The following RPS6KA2 variants were observed in gnomAD, a reference collection of about 807,000 sequenced individuals.
The protein encoded by RPS6KA2 is ribosomal protein S6 kinase A2.
RPS6KA2 carries 42 observed loss-of-function variants against 91.8 expected under a neutral mutation model. The observed-to-expected ratio is 0.46, with a 90% CI of 0.36 to 0.59. The LOEUF is 0.59. RPS6KA2 is among the 20% of genes least tolerant of loss of function. The probability of loss-of-function intolerance (pLI) is 0.00; values close to 1 mark genes in which losing one functional copy is unlikely to be tolerated. For synonymous variants in RPS6KA2, 414 were observed against 393.6 expected, an observed-to-expected ratio of 1.05 and a Z score of -0.61; for missense variants, 798 against 978.5, an observed-to-expected ratio of 0.82 and a Z score of 2.46.
intron 2 of RPS6KA2, among the ~76,000 whole-genome samples, chr6:166,646,953 C>T (rs1787625021): frequency 6.6e-6 from 1 of 152,172 alleles, no homozygotes; most frequent in Non-Finnish European, 1.5e-5. Flanking sequence ...CTCGCATTCC[C>T]ACTCTGTCCT....
In RPS6KA2 at chr6:166,839,105, AGT is replaced by A. The variant is rs144904245; in HGVS notation, c.123+19093_123+19094del. On this transcript the variant is annotated intron_variant, in intron 2 of 21. Transcript: ENST00000503859. Reference sequence around the variant, plus strand: ...TGCCCTCCAGAACCGTTAGACAACCAGTGTGTGTTGTTTTACACCACAACGTT... The same window carrying A: ...TGCCCTCCAGAACCGTTAGACAACCAGTGTGTTGTTTTACACCACAACGTT... Among the ~76,000 whole-genome samples, 607 of 152,308 alleles carry A rather than the reference AGT, an allele frequency of 4.0e-3. 7 individuals carry two copies. The highest frequency in any genetic ancestry group is 0.014 in the African/African-American group (563 of 41,574).
At chr6:166,695,026 A>G (rs1481081447) in intron 2 of RPS6KA2, among the ~76,000 whole-genome samples, 3 of 152,244 alleles carry the variant, frequency 2.0e-5, no homozygotes, top group Admixed American at 6.5e-5. Flanking sequence ...GGTGAGGAAG[A>G]GAGATGCTAT....
At chr6:166,778,771 A>C (rs1050396410) in intron 2 of RPS6KA2, among the ~76,000 whole-genome samples, 1 of 152,204 alleles carries the variant, frequency 6.6e-6, no homozygotes, top group Non-Finnish European at 1.5e-5. Context: ...TATCAAAAAA[A>C]CAACAAGATT....
chr6:166,705,811 G>C (rs1789665612), intron 2 of RPS6KA2, among the ~76,000 whole-genome samples: 1 of 152,142 alleles, frequency 6.6e-6, no homozygotes, highest in African/African-American at 2.4e-5. Context: ...CTCACCTATT[G>C]ATACAGACTG....
rs575067691 is a variant in RPS6KA2, at chr6:166,597,795, G to A, written c.99+29126C>T. Among the ~76,000 whole-genome samples the A allele has an allele frequency of 4.6e-5, 7 of 152,226 alleles. No homozygotes were observed. The East Asian group carries it at 1.2e-3, about 25-fold the overall frequency. ...CAATGGGTGACGGCATCATCGAGAA[G>A]AGAATAGAAACAGATTTCCGGAGTC... On this transcript the variant is annotated intron_variant, in intron 1 of 20. Coordinates refer to ENST00000265678, the MANE Select transcript of RPS6KA2 (RefSeq NM_021135.6).
intron 2 of RPS6KA2, among the ~76,000 whole-genome samples, chr6:166,723,483 G>A (rs1790242392): frequency 6.6e-6 from 1 of 152,190 alleles, no homozygotes; most frequent in African/African-American, 2.4e-5. Flanking sequence ...TCCTCAGCTG[G>A]TGCCAGGGGA....
chr6:166,745,699 G>A (rs1790985120), intron 2 of RPS6KA2, among the ~76,000 whole-genome samples: 2 of 152,178 alleles, frequency 1.3e-5, no homozygotes, highest in South Asian at 2.1e-4. Context: ...ACAGTGCCTG[G>A]GCGCTGCGGC....
chr6:166,431,412 T>C (rs73269270), intron 15 of RPS6KA2, among the ~76,000 whole-genome samples: 20,668 of 152,182 alleles, frequency 0.14, 4,439 homozygotes, highest in African/African-American at 0.46. Context: ...TTCTAACCAG[T>C]TTCCCATGAT....
chr6:166,525,159 A>ACC (rs1782982530), intron 3 of RPS6KA2, among the ~76,000 whole-genome samples: 2 of 152,322 alleles, frequency 1.3e-5, no homozygotes, highest in Admixed American at 1.3e-4. Context: ...ACGGTTGGGA[A>ACC]CACGTTTCTT....
At chr6:166,617,837 C>T (rs982270487) in intron 1 of RPS6KA2, among the ~76,000 whole-genome samples, 2 of 152,236 alleles carry the variant, frequency 1.3e-5, no homozygotes, top group African/African-American at 2.4e-5. Context: ...CTGTGGCTGC[C>T]GAGCAAACGC....
chr6:166,783,332 G>A (rs1384379824), intron 2 of RPS6KA2, among the ~76,000 whole-genome samples: 1 of 151,866 alleles, frequency 6.6e-6, no homozygotes, highest in Non-Finnish European at 1.5e-5. Flanking sequence ...GGCCTTAAGG[G>A]AAAAGACTGA....
chr6:166,855,206 T>C (rs996497356), intron 2 of RPS6KA2, among the ~76,000 whole-genome samples: 1 of 152,136 alleles, frequency 6.6e-6, no homozygotes, highest in African/African-American at 2.4e-5. Flanking sequence ...GGGGCGAGGA[T>C]GAAAAATCAC....
At chr6:166,451,011 C>A in intron 13 of RPS6KA2, 92 bp downstream of exon 13, 1 of 1,505,018 alleles carries the variant, frequency 6.6e-7, no homozygotes, top group South Asian at 1.2e-5. Flanking sequence ...AAGCACCCAA[C>A]CCCCGGGTGA....
In RPS6KA2 at chr6:166,510,307, T is replaced by A. The variant is rs1251413024; in HGVS notation, c.349A>T (p.Asn117Tyr). 6.2e-7 allele frequency: 1 copy of A among 1,604,316 alleles called. No individual in the cohort carries two copies. Among genetic ancestry groups the A allele is most frequent in the South Asian group, 1.1e-5 (1 of 89,888 alleles). Residue 117 changes from asparagine (N) to tyrosine (Y), a missense_variant, in exon 4 of 21, where the codon AAT becomes TAT. Coordinates refer to ENST00000265678, the MANE Select transcript of RPS6KA2 (RefSeq NM_021135.6). ...TGAAGCTTCACAATGAAGGGGTGAT[T>A]CACTTCTGCCAAGATGTCTCTCTCC... ...KMERDILAEV[N>Y]HPFIVKLHYA...
At position 166,616,533 on chromosome 6, in the gene RPS6KA2, C is replaced by T. The variant is rs773874881; in HGVS notation, c.99+10388G>A. On this transcript the variant is annotated intron_variant, in intron 1 of 20. Coordinates refer to ENST00000265678, the MANE Select transcript of RPS6KA2 (RefSeq NM_021135.6). ...GCGGACAGCTCCGGTAGGTGCATGG[C>T]GCACCTTCTACAGCCTAGGGACAGC... 1.6e-4 allele frequency among the ~76,000 whole-genome samples: 25 copies of T among 152,218 alleles called. 1 individual carries two copies. Among genetic ancestry groups the T allele is most frequent in the Admixed American group, 3.3e-4 (5 of 15,292 alleles).
In RPS6KA2 at chr6:166,726,865, G is replaced by A. The variant is rs960032815; in HGVS notation, c.123+131335C>T. ...TCAGGGAGTGTGTCTGGCGGGTGGG[G>A]AGGAATCCCAGGCCTGGAATCTACC... is the stretch of plus-strand genomic sequence containing the variant. On this transcript the variant is annotated intron_variant, in intron 2 of 21. Coordinates refer to the RPS6KA2 transcript ENST00000503859. This position sits in a 1 kb window ranked among gnomAD's most constrained non-coding sequence, Gnocchi z 4.4. Among the ~76,000 whole-genome samples the A allele has an allele frequency of 1.3e-5, 2 of 152,262 alleles. No homozygotes were observed. The highest frequency in any genetic ancestry group is 4.8e-5 in the African/African-American group (2 of 41,550).
At chr6:166,631,181 G>A (rs1375776249), upstream of RPS6KA2, among the ~76,000 whole-genome samples, 3 of 152,218 alleles carry the variant, frequency 2.0e-5, no homozygotes, top group South Asian at 2.1e-4. Flanking sequence ...GTCTTAATGC[G>A]TAAAAGTCTT....
chr6:166,665,650 G>A lies in RPS6KA2; in HGVS notation c.124-126866C>T, dbSNP rs965925356. On this transcript the variant is annotated intron_variant, in intron 2 of 21. Coordinates refer to the RPS6KA2 transcript ENST00000503859. This position sits in a 1 kb window ranked among gnomAD's most constrained non-coding sequence, Gnocchi z 4.5. ...TGCGACCCTCATTAGAACAAGCACC[G>A]GAGACATGAAGTTTGCTACTGAAGG... 1.3e-5 allele frequency among the ~76,000 whole-genome samples: 2 copies of A among 152,254 alleles called. No individual in the cohort carries two copies. The highest frequency in any genetic ancestry group is 2.1e-4 in the South Asian group (1 of 4,824).
rs139686365 is a variant in RPS6KA2, at chr6:166,640,433, G to A, written c.124-101649C>T. 2.8e-3 allele frequency among the ~76,000 whole-genome samples: 431 copies of A among 152,352 alleles called. 2 individuals are homozygous for A. Among genetic ancestry groups the A allele is most frequent in the African/African-American group, 0.01 (420 of 41,578 alleles). Reference sequence around the variant, plus strand: ...ACAGGGGGAGCTGAGAATAGCCCGTGTGGCAGCCCCGGGAGAGGCGCGCCC... The same window carrying A: ...ACAGGGGGAGCTGAGAATAGCCCGTATGGCAGCCCCGGGAGAGGCGCGCCC... On this transcript the variant is annotated intron_variant, in intron 2 of 21. Transcript: ENST00000503859.
Sources: gnomAD v4.1 joint callset for allele counts (sites outside exome capture counted in the v4.1 genomes callset) on GRCh38, gnomAD v4.1.1 for gene constraint, Gnocchi (gnomAD v3.1) non-coding constraint, MANE v1.5 for transcripts, NCBI Gene and HGNC (gene_info 2026-07-23, HGNC 2026-07-21) for gene names.